RICTOR: variants seen among roughly 807,000 people sequenced by gnomAD.
The protein encoded by RICTOR is rapamycin-insensitive companion of mTOR.
RICTOR carries 49 observed loss-of-function variants against 214.9 expected under a neutral mutation model. The ratio of observed to expected loss-of-function variants is 0.23; its 90% CI spans 0.18 to 0.29. The LOEUF (loss-of-function observed/expected upper bound fraction) is 0.29, where lower values mean the gene tolerates loss of function less well. RICTOR is among the 10% of genes least tolerant of loss of function. RICTOR has a pLI of 1.00. For synonymous variants in RICTOR, 717 were observed against 711.3 expected (o/e 1.01, Z -0.13); for missense variants, 1,625 against 2,047.0 (o/e 0.79, Z 3.98).
At chr5:39,072,594 A>C (rs1038574945) in intron 2 of RICTOR, among the ~76,000 whole-genome samples, 2 of 152,202 alleles carry the variant, frequency 1.3e-5, no homozygotes, top group Admixed American at 6.5e-5. Flanking sequence ...TACAGACCTG[A>C]AATTGTAGAA....
At chr5:39,063,298 C>T (rs1298523448) in intron 2 of RICTOR, among the ~76,000 whole-genome samples, 1 of 152,060 alleles carries the variant, frequency 6.6e-6, no homozygotes, top group African/African-American at 2.4e-5. Context: ...CTTCTAAGGC[C>T]AGAAGAGCCT....
At chr5:39,074,087 G>A in intron 2 of RICTOR, 24 bp downstream of exon 2, 3 of 1,493,730 alleles carry the variant, frequency 2.0e-6, no homozygotes, top group Non-Finnish European at 2.7e-6. Context: ...GCGCCCTCGC[G>A]GCGCCCGCGG....
Position 38,959,948 on chromosome 5 carries a change from T to C in RICTOR, c.1882A>G (p.Lys628Glu). 6.2e-7 allele frequency: 1 copy of C among 1,611,844 alleles called. No individual in the cohort carries two copies. The highest frequency in any genetic ancestry group is 8.5e-7 in the Non-Finnish European group (1 of 1,178,166). The change falls in exon 21 of 38, where the codon AAG becomes GAG. Residue 628 changes from lysine (K) to glutamate (E), a missense_variant. By Grantham distance (56) the Lys-to-Glu change is moderately conservative. Transcript: ENST00000357387. ...GCATTGAGCCACTGAACAATATCCTTTACTAGATCTTCTAAGTAGCCTTGC... is the reference window on the plus strand; with the variant it reads ...GCATTGAGCCACTGAACAATATCCTCTACTAGATCTTCTAAGTAGCCTTGC... ...DGQGYLEDLV[K>E]DIVQWLNASS... is the part of the protein sequence containing the mutation.
rs1396957411 is a variant in RICTOR, at chr5:38,938,280, C to G, written c.*4024G>C. On this transcript the variant is annotated 3_prime_UTR_variant, in exon 38 of 38. Transcript: ENST00000357387. The stretch of plus-strand genomic sequence containing the variant: ...CTCATGTGGTTAGAGAGCATTAAGT[C>G]TGAGATTTTTTTCACAATTCCTTAC... The G allele has an allele frequency of 1.3e-5, 3 of 227,452 alleles. No individual in the cohort carries two copies. The highest frequency in any genetic ancestry group is 2.6e-5 in the Non-Finnish European group (3 of 114,248). The allele number at this position is 227,452 out of a possible 1,614,324, so 14.1% of individuals were successfully genotyped here.
intron 29 of RICTOR, 112 bp from the exon 30 acceptor site, chr5:38,952,537 A>C (rs1748883180): frequency 3.4e-6 from 2 of 594,388 alleles, no homozygotes; most frequent in Non-Finnish European, 5.3e-6. Flanking sequence ...AACCCACCAA[A>C]ATGGTTGCGT....
intron 6 of RICTOR, among the ~76,000 whole-genome samples, chr5:38,995,877 G>A (rs183035869): frequency 4.0e-4 from 61 of 152,084 alleles, no homozygotes; most frequent in African/African-American, 1.3e-3. Flanking sequence ...ATCTATTTCC[G>A]GTATCATTCT....
At chr5:38,990,416 T>C (rs1354731634) in intron 7 of RICTOR, among the ~76,000 whole-genome samples, 1 of 151,664 alleles carries the variant, frequency 6.6e-6, no homozygotes, top group Non-Finnish European at 1.5e-5. Flanking sequence ...CAAACCACCA[T>C]GGCATATGTA....
At chr5:38,979,704 G>T (rs528603697) in intron 8 of RICTOR, among the ~76,000 whole-genome samples, 49 of 152,280 alleles carry the variant, frequency 3.2e-4, no homozygotes, top group African/African-American at 1.1e-3. Context: ...GAGGATCTGC[G>T]TCAACAAGTG....
intron 7 of RICTOR, among the ~76,000 whole-genome samples, chr5:38,989,729 G>A (rs1173028757): frequency 6.6e-6 from 1 of 152,106 alleles, no homozygotes; most frequent in African/African-American, 2.4e-5. Context: ...CATTTATGTG[G>A]CCAACAAACA....
At position 38,958,679 on chromosome 5, in the gene RICTOR, T is replaced by C. The variant is rs759163318; in HGVS notation, c.2331A>G (p.Ala777=). The C allele has an allele frequency of 7.5e-6, 12 of 1,601,590 alleles. 1 individual carries two copies. The South Asian group carries it at 1.3e-4, about 17-fold the overall frequency. ...SSEALDILDE[A]CEDKANLHAL... ...AATGAACCTTTACCTTGTCTTCACATGCTTCATCGAGGATATCAAGAGCTT... is the reference window on the plus strand; with the variant it reads ...AATGAACCTTTACCTTGTCTTCACACGCTTCATCGAGGATATCAAGAGCTT... Residue 777 remains alanine, a synonymous_variant, in exon 23 of 38, where the codon GCA becomes GCG. Coordinates refer to ENST00000357387, the MANE Select transcript of RICTOR (RefSeq NM_152756.5).
chr5:39,026,859 A>C (rs1755867440), intron 2 of RICTOR, among the ~76,000 whole-genome samples: 3 of 151,768 alleles, frequency 2.0e-5, no homozygotes, highest in South Asian at 4.2e-4. Flanking sequence ...AATACAAAAT[A>C]AGCTGGGCGT....
chr5:38,968,737 TAA>T (rs1157586174), intron 11 of RICTOR, among the ~76,000 whole-genome samples: 41 of 131,416 alleles, frequency 3.1e-4, no homozygotes, highest in Admixed American at 3.1e-4. Context: ...CCCTGCCTCT[TAA>T]AAAAAAAAAA....
intron 7 of RICTOR, among the ~76,000 whole-genome samples, chr5:38,989,958 C>G (rs1752461014): frequency 1.3e-5 from 2 of 152,106 alleles, no homozygotes; most frequent in South Asian, 4.1e-4. Flanking sequence ...CCTCAAGTAT[C>G]TAGAACCAGA....
At chr5:38,985,631 T>C (rs190562117) in intron 7 of RICTOR, among the ~76,000 whole-genome samples, 1 of 152,268 alleles carries the variant, frequency 6.6e-6, no homozygotes, top group African/African-American at 2.4e-5. Flanking sequence ...TAAATATTCA[T>C]CCATGTTCCC....
intron 19 of RICTOR, among the ~76,000 whole-genome samples, chr5:38,962,046 G>A (rs536005459): frequency 1.3e-5 from 2 of 152,016 alleles, no homozygotes; most frequent in South Asian, 4.2e-4. Flanking sequence ...CTATACAATT[G>A]ATACTACCCC....
intron 16 of RICTOR, among the ~76,000 whole-genome samples, chr5:38,963,936 A>C (rs1047262390): frequency 1.3e-4 from 19 of 151,938 alleles, no homozygotes; most frequent in African/African-American, 3.9e-4. Flanking sequence ...TTGGTCTGTT[A>C]AACAGTATTT....
intron 11 of RICTOR, chr5:38,969,655 C>T (rs1750587549): frequency 6.7e-6 from 1 of 149,414 alleles, no homozygotes; most frequent in South Asian, 2.1e-4. Flanking sequence ...TATATAGGTG[C>T]TGTATTTTTA....
chr5:38,996,701 G>T, intron 6 of RICTOR, 118 bp downstream of exon 6: 1 of 576,726 alleles, frequency 1.7e-6, no homozygotes. Flanking sequence ...TAATAAAAAT[G>T]TTTAATAAAA....
At chr5:39,055,738 G>A (rs16868029) in intron 2 of RICTOR, among the ~76,000 whole-genome samples, 1,880 of 152,266 alleles carry the variant, frequency 0.012, 35 homozygotes, top group African/African-American at 0.043. Flanking sequence ...TGCGAGGGAA[G>A]ATTGACTTTT....
Sources: allele counts gnomAD v4.1 joint callset (sites outside exome capture counted in the v4.1 genomes callset), GRCh38; gene constraint gnomAD v4.1.1; transcripts MANE v1.5; gene names NCBI Gene and HGNC (gene_info 2026-07-23, HGNC 2026-07-21).